The following MPV17L variants were observed in gnomAD, a reference collection of about 807,000 sequenced individuals.
MPV17L encodes the protein MPV17 mitochondrial inner membrane protein like.
MPV17L carries 24 observed loss-of-function variants against 25.8 expected under a neutral mutation model. The ratio of observed to expected loss-of-function variants is 0.93; its 90% CI spans 0.67 to 1.31. MPV17L has a LOEUF of 1.31. MPV17L is among the 50% of genes most tolerant of loss of function. The pLI is 0.00. For missense variants in MPV17L, 250 were observed against 265.6 expected, an observed-to-expected ratio of 0.94 and a Z score of 0.41; for synonymous variants, 102 against 115.3, an observed-to-expected ratio of 0.88 and a Z score of 0.74.
chr16:15,404,967 T>C (rs1443675839), intron 2 of MPV17L, among the ~76,000 whole-genome samples: 1 of 152,186 alleles, frequency 6.6e-6, no homozygotes, highest in East Asian at 1.9e-4. Context: ...AGCGCTCACA[T>C]GTCCCAGATT....
chr16:15,405,922 C>T (rs2050676879), intron 2 of MPV17L, among the ~76,000 whole-genome samples: 1 of 151,796 alleles, frequency 6.6e-6, no homozygotes, highest in Non-Finnish European at 1.5e-5. Flanking sequence ...GGCATGGTGG[C>T]TCACGCCTGT....
Position 15,412,349 on chromosome 16 carries a change from AAGCCCAGGAGGTGGAGGTTGCAGTG to A in MPV17L, c.*4242_*4266del, listed in dbSNP as rs1175438365. The A allele has an allele frequency of 1.3e-5, 2 of 151,790 alleles. No homozygotes were observed. Among genetic ancestry groups the A allele is most frequent in the African/African-American group, 4.8e-5 (2 of 41,296 alleles). The allele number at this position is 151,790 out of a possible 1,614,324, so 9.4% of individuals were successfully genotyped here. On this transcript the variant is annotated 3_prime_UTR_variant, in exon 4 of 4. Coordinates refer to ENST00000396385, the MANE Select transcript of MPV17L (RefSeq NM_001128423.2). The stretch of plus-strand genomic sequence containing the variant: ...GGGTGCTGAGGCAGGAGGATCACTC[AAGCCCAGGAGGTGGAGGTTGCAGTG>A]AGCCGAGATCACGCCACTGCACTCC...
At chr16:15,403,156 T>C (rs1332414446) in intron 2 of MPV17L, among the ~76,000 whole-genome samples, 2 of 148,910 alleles carry the variant, frequency 1.3e-5, no homozygotes, top group African/African-American at 5.0e-5. Context: ...GATCACAAGG[T>C]CAGGAGATCG....
At chr16:15,401,079 TATATA>T (rs1418773039) in intron 2 of MPV17L, among the ~76,000 whole-genome samples, 736 of 42,376 alleles carry the variant, frequency 0.017, 12 homozygotes, top group East Asian at 0.074. Context: ...TATATATATA[TATATA>T]TATTTTTTTT....
chr16:15,397,822 A>C (rs558178280), intron 1 of MPV17L, among the ~76,000 whole-genome samples: 10 of 148,324 alleles, frequency 6.7e-5, no homozygotes, highest in Admixed American at 5.4e-4. Flanking sequence ...CATTGCGGCC[A>C]ACTACATGGC....
rs1295778945 is a variant in MPV17L, at chr16:15,409,823, A to AT, written c.*1717dup. 8 of 152,182 alleles carry AT rather than the reference A, an allele frequency of 5.3e-5. No homozygotes were observed. Among genetic ancestry groups the AT allele is most frequent in the East Asian group, 3.8e-4 (2 of 5,198 alleles). 9.4% of individuals were successfully genotyped at this position (152,182 alleles called of 1,614,324 possible). On this transcript the variant is annotated 3_prime_UTR_variant, in exon 4 of 4. Transcript: ENST00000396385. ...CCACCGCACCTGGCTCAGTAAGTAC[A>AT]TTTTTTATTATCAAAAACAGAGTAG...
intron 2 of MPV17L, among the ~76,000 whole-genome samples, chr16:15,402,694 G>T (rs994447023): frequency 6.6e-6 from 1 of 152,098 alleles, no homozygotes; most frequent in Non-Finnish European, 1.5e-5. Context: ...TTGTTTGTTT[G>T]TTTTTTGAGA....
chr16:15,406,071 C>T (rs987435204), intron 2 of MPV17L, among the ~76,000 whole-genome samples: 1 of 151,818 alleles, frequency 6.6e-6, no homozygotes, highest in African/African-American at 2.4e-5. Flanking sequence ...CACCTGTAAT[C>T]CCAGCTACTC....
Position 15,409,649 on chromosome 16 carries a change from C to T in MPV17L, c.*1537C>T, listed in dbSNP as rs192709541. ...GACTCCTTTTTTGGACTCAGCCCGC[C>T]TGCACTCAGGTGAAATAAACAGCCA... On this transcript the variant is annotated 3_prime_UTR_variant, in exon 4 of 4. Transcript: ENST00000396385. 1 of 152,298 alleles carries T rather than the reference C, an allele frequency of 6.6e-6. No homozygotes were observed. Among genetic ancestry groups the T allele is most frequent in the East Asian group, 1.9e-4 (1 of 5,180 alleles). The allele number at this position is 152,298 out of a possible 1,614,324, so 9.4% of individuals were successfully genotyped here.
At chr16:15,403,142 G>T (rs888614381) in intron 2 of MPV17L, among the ~76,000 whole-genome samples, 33 of 151,584 alleles carry the variant, frequency 2.2e-4, no homozygotes, top group African/African-American at 7.7e-4. Flanking sequence ...GGTGGAGGCG[G>T]GTAGATCACA....
intron 2 of MPV17L, among the ~76,000 whole-genome samples, chr16:15,405,855 A>G (rs933266435): frequency 5.3e-5 from 8 of 151,696 alleles, no homozygotes; most frequent in African/African-American, 1.7e-4. Flanking sequence ...GATGCACAAC[A>G]AGAGCGAAAC....
intron 2 of MPV17L, among the ~76,000 whole-genome samples, chr16:15,405,323 C>T (rs2050670925): frequency 6.8e-6 from 1 of 146,892 alleles, no homozygotes; most frequent in African/African-American, 2.5e-5. Context: ...TGTTTGGGGT[C>T]AGGAATTCAA....
chr16:15,409,510 C>G lies in MPV17L; in HGVS notation c.*1398C>G, dbSNP rs1317740451. 6.6e-6 allele frequency: 1 copy of G among 152,128 alleles called. No homozygotes were observed. Among genetic ancestry groups the G allele is most frequent in the Non-Finnish European group, 1.5e-5 (1 of 68,026 alleles). The allele number at this position is 152,128 out of a possible 1,614,324, so 9.4% of individuals were successfully genotyped here. A position where few individuals can be genotyped will look rare whatever the true frequency, so the allele number is the denominator to read the frequency against. On this transcript the variant is annotated 3_prime_UTR_variant, in exon 4 of 4. Transcript: ENST00000396385. ...TTAAGAAGGTTCTTTTTAATTCTCCCCACCCTTGAGAATGTACTTTGTGAG... is the reference window on the plus strand; with the variant it reads ...TTAAGAAGGTTCTTTTTAATTCTCCGCACCCTTGAGAATGTACTTTGTGAG...
At position 15,409,892 on chromosome 16, in the gene MPV17L, C is replaced by A. The variant is rs1000141283; in HGVS notation, c.*1780C>A. ...TGTGTAGAATGTATTTTATTGATGTCTTCTATTTTTATAATTTTTAATGAA... is the reference window on the plus strand; with the variant it reads ...TGTGTAGAATGTATTTTATTGATGTATTCTATTTTTATAATTTTTAATGAA... On this transcript the variant is annotated 3_prime_UTR_variant, in exon 4 of 4. Coordinates refer to ENST00000396385, the MANE Select transcript of MPV17L (RefSeq NM_001128423.2). The A allele has an allele frequency of 1.4e-4, 21 of 152,204 alleles. No homozygotes were observed. Among genetic ancestry groups the A allele is most frequent in the Middle Eastern group, 3.4e-3 (1 of 294 alleles). The allele number at this position is 152,204 out of a possible 1,614,324, so 9.4% of individuals were successfully genotyped here. A position where few individuals can be genotyped will look rare whatever the true frequency, so the allele number is the denominator to read the frequency against.
rs375256890 is a variant in MPV17L at position 15,410,833 on chromosome 16, G to T, written c.*2721G>T. ...TATATTTTACATTATTGGGACCATA[G>T]TACAGAAATTTCTAAATGGTTTGTA... On this transcript the variant is annotated 3_prime_UTR_variant, in exon 4 of 4. Coordinates refer to ENST00000396385, the MANE Select transcript of MPV17L (RefSeq NM_001128423.2). 6.6e-6 allele frequency: 1 copy of T among 152,142 alleles called. No individual in the cohort carries two copies. Among genetic ancestry groups the T allele is most frequent in the Non-Finnish European group, 1.5e-5 (1 of 68,036 alleles). The allele number at this position is 152,142 out of a possible 1,614,324, so 9.4% of individuals were successfully genotyped here.
At chr16:15,396,618 A>G (rs1282570803) in intron 1 of MPV17L, among the ~76,000 whole-genome samples, 1 of 152,160 alleles carries the variant, frequency 6.6e-6, no homozygotes, top group Non-Finnish European at 1.5e-5. Flanking sequence ...TAGCAGCTGC[A>G]ATGACCGTGA....
rs1349199138 is a variant in MPV17L at position 15,396,060 on chromosome 16, G to T, written c.163G>T (p.Val55Leu). Residue 55 changes from valine to leucine, a missense_variant, in exon 1 of 4, where the codon GTG (valine) becomes TTG (leucine). Physicochemically the swap from Val to Leu is conservative, Grantham distance 32. Transcript: ENST00000396385. ...WRQTRRVATL[V>L]VTFHANFNYV... ...CCAGACGCGGCGCGTGGCCACGTTG[G>T]TGGTGACCTTCCACGCCAACTTCAA... is the stretch of plus-strand genomic sequence containing the variant. 16 of 1,543,538 alleles carry T rather than the reference G, an allele frequency of 1.0e-5. No homozygotes were observed. Among genetic ancestry groups the T allele is most frequent in the Non-Finnish European group, 1.3e-5 (15 of 1,148,442 alleles).
chr16:15,397,051 C>G (rs1228499484), intron 1 of MPV17L, among the ~76,000 whole-genome samples: 1 of 152,084 alleles, frequency 6.6e-6, no homozygotes, highest in African/African-American at 2.4e-5. Context: ...ACAAAGGACT[C>G]CACCAAGAGG....
chr16:15,397,354 G>T (rs1433765354), intron 1 of MPV17L, among the ~76,000 whole-genome samples: 1 of 152,182 alleles, frequency 6.6e-6, no homozygotes, highest in Non-Finnish European at 1.5e-5. Context: ...GTAACCTGGG[G>T]TCACTTAGGA....
Sources: gnomAD v4.1 joint callset for allele counts (sites outside exome capture counted in the v4.1 genomes callset) on GRCh38, gnomAD v4.1.1 for gene constraint, MANE v1.5 for transcripts, NCBI Gene and HGNC (gene_info 2026-07-23, HGNC 2026-07-21) for gene names.